Variants in HGS observed in about 807,000 individuals in gnomAD.
The protein encoded by HGS is hepatocyte growth factor-regulated tyrosine kinase substrate, also known as human growth factor-regulated tyrosine kinase substrate.
A neutral mutation model predicts 109.7 loss-of-function variants in HGS; 63 were observed. That is an observed-to-expected ratio of 0.57 (90% CI 0.47 to 0.71). The LOEUF (loss-of-function observed/expected upper bound fraction) is 0.71. Ranked by LOEUF, HGS falls within the 30% of genes least tolerant of loss-of-function variation. HGS has a pLI of 0.00. For missense variants in HGS, 995 were observed against 1,068.3 expected, an observed-to-expected ratio of 0.93 and a Z score of 0.96; for synonymous variants, 546 against 437.3, an observed-to-expected ratio of 1.25 and a Z score of -3.10.
chr17:81,695,736 G>C (rs367771681), intron 14 of HGS, 50 bp from the exon 15 acceptor site: 3 of 1,565,282 alleles, frequency 1.9e-6, no homozygotes, highest in Non-Finnish European at 2.6e-6. Context: ...CCACCAGGGA[G>C]GCTGGCTGGG....
Position 81,694,812 on chromosome 17 carries a change from C to T in HGS, c.937-3C>T, listed in dbSNP as rs1309755028. On this transcript the variant is annotated splice_region_variant and splice_polypyrimidine_tract_variant and intron_variant, in intron 11 of 21. Transcript: ENST00000329138. ...TGAGACTCAGATGCCCTTTTCTCCC[C>T]AGAACTCGTCGGCGCCTCTGGCTGA... 6 of 1,614,126 alleles carry T rather than the reference C, an allele frequency of 3.7e-6. No individual in the cohort carries two copies. The highest frequency in any genetic ancestry group is 5.1e-6 in the Non-Finnish European group (6 of 1,180,044).
intron 4 of HGS, among the ~76,000 whole-genome samples, chr17:81,687,952 C>A (rs2037005659): frequency 6.6e-6 from 1 of 152,188 alleles, no homozygotes; most frequent in African/African-American, 2.4e-5. Context: ...GGAGTCTGGC[C>A]CTGCCCGACC....
At chr17:81,693,014 TA>T (rs1007350108) in intron 8 of HGS, 44 of 143,440 alleles carry the variant, frequency 3.1e-4, no homozygotes, top group East Asian at 1.2e-3. Flanking sequence ...CTATCTCAAA[TA>T]AAAAAAAAAG....
Position 81,684,043 on chromosome 17 carries a change from G to A in HGS, c.-24G>A, listed in dbSNP as rs758636311. On this transcript the variant is annotated 5_prime_UTR_variant, in exon 1 of 22. Coordinates refer to ENST00000329138, the MANE Select transcript of HGS (RefSeq NM_004712.5). ...CTCGTAGCAGGGGAGCGCCCGCGGC[G>A]TCGGGTTTGGGCTGGAGGTCGCCAT... 1.9e-6 allele frequency: 3 copies of A among 1,587,066 alleles called. No homozygotes were observed. The South Asian group carries it at 3.4e-5, about 18-fold the overall frequency.
At chr17:81,695,494 C>T (rs2037131701) in intron 14 of HGS, among the ~76,000 whole-genome samples, 1 of 152,248 alleles carries the variant, frequency 6.6e-6, no homozygotes, top group Non-Finnish European at 1.5e-5. Context: ...TCAGATGAGT[C>T]CTTGGCGTTG....
chr17:81,691,198 G>A lies in HGS; in HGVS notation c.538-249G>A. 1 of 527,240 alleles carries A rather than the reference G, an allele frequency of 1.9e-6. No homozygotes were observed. The highest frequency in any genetic ancestry group is 1.9e-5 in the African/African-American group (1 of 52,482). The allele number at this position is 527,240 out of a possible 1,614,324, so 32.7% of individuals were successfully genotyped here. A position where few individuals can be genotyped will look rare whatever the true frequency, so the allele number is the denominator to read the frequency against. Reference sequence around the variant, plus strand: ...CTCTTGTTTTATCAGCAGAATTGATGTGTATTTTTTCCTTGCCCTTACTTT... The same window carrying A: ...CTCTTGTTTTATCAGCAGAATTGATATGTATTTTTTCCTTGCCCTTACTTT... On this transcript the variant is annotated intron_variant, in intron 7 of 21. Coordinates refer to ENST00000329138, the MANE Select transcript of HGS (RefSeq NM_004712.5). This position sits in a 1 kb window ranked among gnomAD's most constrained non-coding sequence, Gnocchi z 5.3.
intron 10 of HGS, 41 bp from the exon 11 acceptor site, chr17:81,693,829 T>C (rs1474209561): frequency 6.4e-7 from 1 of 1,567,782 alleles, no homozygotes; most frequent in African/African-American, 1.4e-5. Flanking sequence ...CGGAGGGGCG[T>C]CACGTGCACC....
At chr17:81,697,020 G>A in intron 18 of HGS, 22 bp downstream of exon 18, 2 of 1,532,286 alleles carry the variant, frequency 1.3e-6, no homozygotes, top group Non-Finnish European at 1.8e-6. Flanking sequence ...TCGGGGCAGA[G>A]ACCATGCCTT....
chr17:81,685,075 C>T, intron 1 of HGS: 1 of 985,288 alleles, frequency 1.0e-6, no homozygotes, highest in Non-Finnish European at 1.2e-6. Flanking sequence ...GACAGGTATG[C>T]TGGCGAGTCC....
rs779442764 is a variant in HGS, at chr17:81,694,984, C to T, written c.1036C>T (p.Pro346Ser). 2.5e-5 allele frequency: 40 copies of T among 1,614,018 alleles called. No homozygotes were observed. The highest frequency in any genetic ancestry group is 4.0e-5 in the African/African-American group (3 of 74,942). Reference protein sequence around the residue: ...EKKQEEARKSPTPSAPVPLTE... With the variant: ...EKKQEEARKSSTPSAPVPLTE... ...GAAGCAGGAGGAGGCTCGCAAGAGCCCCACGCCATCTGCGCCCGTGCCCCT... is the reference window on the plus strand; with the variant it reads ...GAAGCAGGAGGAGGCTCGCAAGAGCTCCACGCCATCTGCGCCCGTGCCCCT... Residue 346 changes from proline to serine, a missense_variant, in exon 13 of 22, where the codon CCC (proline) becomes TCC (serine). Around this residue, in one of 6 missense-constraint regions of HGS, gnomAD observed 300 missense variants for 235.4 expected, o/e 1.27. Transcript: ENST00000329138.
intron 2 of HGS, 86 bp from the exon 3 acceptor site, chr17:81,686,226 T>G (rs1336648570): frequency 2.7e-6 from 3 of 1,116,174 alleles, no homozygotes; most frequent in Non-Finnish European, 4.0e-6. Context: ...CCACTGCACC[T>G]GGCAGCAGAT....
chr17:81,689,625 G>A (rs945256837), intron 5 of HGS, among the ~76,000 whole-genome samples: 5 of 152,176 alleles, frequency 3.3e-5, no homozygotes, highest in African/African-American at 7.2e-5. Context: ...CAGGGGTGGT[G>A]CGTCCCCGCT....
chr17:81,694,995 T>C lies in HGS; in HGVS notation c.1047T>C (p.Ser349=). 1 of 1,614,090 alleles carries C rather than the reference T, an allele frequency of 6.2e-7. No individual in the cohort carries two copies. Among genetic ancestry groups the C allele is most frequent in the Non-Finnish European group, 8.5e-7 (1 of 1,180,018 alleles). The part of the protein sequence containing the change: ...QEEARKSPTP[S]APVPLTEPAA... ...AGGCTCGCAAGAGCCCCACGCCATC[T>C]GCGCCCGTGCCCCTGACGGAGCCGG... Residue 349 remains serine, a synonymous_variant, in exon 13 of 22, where the codon TCT becomes TCC. Coordinates refer to ENST00000329138, the MANE Select transcript of HGS (RefSeq NM_004712.5).
intron 5 of HGS, among the ~76,000 whole-genome samples, chr17:81,689,710 G>A (rs369815996): frequency 6.6e-6 from 1 of 152,348 alleles, no homozygotes. Context: ...GAACGCAGGG[G>A]GCGCTGCACG....
chr17:81,689,430 G>C (rs551800748), intron 5 of HGS, among the ~76,000 whole-genome samples: 2 of 152,196 alleles, frequency 1.3e-5, no homozygotes, highest in African/African-American at 4.8e-5. Flanking sequence ...CATTGTGGCC[G>C]TGGAGAACTA....
In HGS at chr17:81,691,367, C is replaced by A. The variant is rs533470778; in HGVS notation, c.538-80C>A. 15 of 1,572,570 alleles carry A rather than the reference C, an allele frequency of 9.5e-6. No homozygotes were observed. Among genetic ancestry groups the A allele is most frequent in the Non-Finnish European group, 1.3e-5 (15 of 1,154,238 alleles). ...CACCTGTGAGGCCCAGCTTCGGCATCGTACGGGGTGGTTCTGGGCCGGGTG... is the reference window on the plus strand; with the variant it reads ...CACCTGTGAGGCCCAGCTTCGGCATAGTACGGGGTGGTTCTGGGCCGGGTG... On this transcript the variant is annotated intron_variant, in intron 7 of 21. Coordinates refer to ENST00000329138, the MANE Select transcript of HGS (RefSeq NM_004712.5). The surrounding 1 kb of genome is among the most constrained non-coding windows in gnomAD (Gnocchi z 5.3).
chr17:81,690,069 C>T (rs992184725), intron 5 of HGS, 113 bp from the exon 6 acceptor site: 17 of 1,160,748 alleles, frequency 1.5e-5, no homozygotes, highest in Non-Finnish European at 2.0e-5. Context: ...CAGACACCTT[C>T]ACTTGGGTGC....
intron 14 of HGS, 147 bp from the exon 15 acceptor site, chr17:81,695,639 C>T (rs895815206): frequency 1.4e-6 from 1 of 714,238 alleles, no homozygotes; most frequent in Non-Finnish European, 2.4e-6. Context: ...GCCTCGCCTT[C>T]CTCAGCTGTA....
At chr17:81,698,823 C>G (rs1232409208) in intron 18 of HGS, among the ~76,000 whole-genome samples, 1 of 152,224 alleles carries the variant, frequency 6.6e-6, no homozygotes, top group East Asian at 1.9e-4. Context: ...AATCCCAACA[C>G]TTTGGGAGGC....
Sources: gnomAD v4.1 joint callset for allele counts (sites outside exome capture counted in the v4.1 genomes callset) on GRCh38, gnomAD v4.1.1 for gene constraint, gnomAD v4.1.1 regional missense constraint, Gnocchi (gnomAD v3.1) non-coding constraint, MANE v1.5 for transcripts, NCBI Gene and HGNC (gene_info 2026-07-23, HGNC 2026-07-21) for gene names.